Variants in CACNG3 observed in about 807,000 individuals in gnomAD.
CACNG3 encodes the protein voltage-dependent calcium channel gamma-3 subunit.
A neutral mutation model predicts 28.5 loss-of-function variants in CACNG3; 3 were observed. The observed-to-expected ratio is 0.11, with a 90% CI of 0.05 to 0.27. The LOEUF (loss-of-function observed/expected upper bound fraction) is 0.27. CACNG3 is among the 10% of genes least tolerant of loss of function. The pLI, the probability that CACNG3 is intolerant of heterozygous loss-of-function variation, is 1.00. For synonymous variants in CACNG3, 174 were observed against 162.2 expected (o/e 1.07, Z -0.55); for missense variants, 236 against 414.4 (o/e 0.57, Z 3.74).
At position 24,359,421 on chromosome 16, in the gene CACNG3, T is replaced by A. The variant is rs151229382; in HGVS notation, c.437-1931T>A. Among the ~76,000 whole-genome samples, 482 of 152,216 alleles carry A rather than the reference T, an allele frequency of 3.2e-3. 5 individuals are homozygous for A. The highest frequency in any genetic ancestry group is 0.011 in the African/African-American group (454 of 41,538). On this transcript the variant is annotated intron_variant, in intron 3 of 3. Coordinates refer to ENST00000005284, the MANE Select transcript of CACNG3 (RefSeq NM_006539.4). ...GAGCTGGATGTGTCAAACCCCATAATAAGAAATAGCTCAGTGATGAGAACT... is the reference window on the plus strand; with the variant it reads ...GAGCTGGATGTGTCAAACCCCATAAAAAGAAATAGCTCAGTGATGAGAACT...
At chr16:24,286,389 C>G (rs1161075033) in intron 1 of CACNG3, among the ~76,000 whole-genome samples, 6 of 149,944 alleles carry the variant, frequency 4.0e-5, no homozygotes, top group Non-Finnish European at 7.4e-5. Flanking sequence ...AGGCAAATGT[C>G]TTGATTATTA....
chr16:24,332,609 AG>A (rs1373467575), intron 1 of CACNG3, among the ~76,000 whole-genome samples: 1 of 152,180 alleles, frequency 6.6e-6, no homozygotes, highest in African/African-American at 2.4e-5. Flanking sequence ...CTATACCCTA[AG>A]TGCTTCATCT....
intron 1 of CACNG3, among the ~76,000 whole-genome samples, chr16:24,322,356 CT>C (rs1899474852): frequency 6.6e-6 from 1 of 152,100 alleles, no homozygotes; most frequent in African/African-American, 2.4e-5. Flanking sequence ...CCCGGCCACC[CT>C]TGGGGACCTG....
chr16:24,316,444 C>T (rs1451380331), intron 1 of CACNG3, among the ~76,000 whole-genome samples: 2 of 151,244 alleles, frequency 1.3e-5, no homozygotes, highest in Non-Finnish European at 2.9e-5. Flanking sequence ...CTAAAGTGGA[C>T]TCTGTGAGTC....
chr16:24,310,216 G>T (rs1899241932), intron 1 of CACNG3, among the ~76,000 whole-genome samples: 2 of 152,230 alleles, frequency 1.3e-5, no homozygotes, highest in Non-Finnish European at 2.9e-5. Flanking sequence ...TCAGAGAAAA[G>T]ATATCGAGAA....
chr16:24,333,056 A>G lies in CACNG3; in HGVS notation c.212-13678A>G, dbSNP rs548853595. ...AAAGGATTAACAGGAGCCCTTAGGA[A>G]AACTGATGACAGGCTCAAATATTGC... On this transcript the variant is annotated intron_variant, in intron 1 of 3. Coordinates refer to ENST00000005284, the MANE Select transcript of CACNG3 (RefSeq NM_006539.4). Among the ~76,000 whole-genome samples, 4 of 152,344 alleles carry G rather than the reference A, an allele frequency of 2.6e-5. No individual in the cohort carries two copies. In the South Asian group the frequency reaches 8.3e-4, roughly 32 times the overall value.
chr16:24,306,227 G>C (rs1368695049), intron 1 of CACNG3, among the ~76,000 whole-genome samples: 2 of 152,172 alleles, frequency 1.3e-5, no homozygotes, highest in East Asian at 3.8e-4. Context: ...GGATTTCTTT[G>C]CATTTGACTG....
chr16:24,289,349 G>A (rs1898936044), intron 1 of CACNG3, among the ~76,000 whole-genome samples: 1 of 151,810 alleles, frequency 6.6e-6, no homozygotes, highest in Non-Finnish European at 1.5e-5. Context: ...AGATTGTTAT[G>A]TGATGGTGGG....
At chr16:24,306,977 C>A (rs1439128995) in intron 1 of CACNG3, among the ~76,000 whole-genome samples, 1 of 152,278 alleles carries the variant, frequency 6.6e-6, no homozygotes, top group South Asian at 2.1e-4. Flanking sequence ...AGTGCCGCTC[C>A]GGGTACTGCT....
intron 2 of CACNG3, 99 bp from the exon 3 acceptor site, chr16:24,354,734 T>C: frequency 8.1e-7 from 1 of 1,237,408 alleles, no homozygotes; most frequent in Non-Finnish European, 1.1e-6. Context: ...TCTGTTCTCT[T>C]CCTGTGCTGC....
At chr16:24,272,128 A>T (rs1244937480) in intron 1 of CACNG3, among the ~76,000 whole-genome samples, 6 of 152,172 alleles carry the variant, frequency 3.9e-5, no homozygotes, top group Admixed American at 2.6e-4. Context: ...ACTTTAAAAA[A>T]AAAAGAAAGA....
At chr16:24,297,617 A>G (rs1899049939) in intron 1 of CACNG3, among the ~76,000 whole-genome samples, 1 of 152,220 alleles carries the variant, frequency 6.6e-6, no homozygotes, top group Non-Finnish European at 1.5e-5. Flanking sequence ...TAGCCTGAGC[A>G]AACAGAGAGC....
At chr16:24,284,561 A>C (rs1228079052) in intron 1 of CACNG3, among the ~76,000 whole-genome samples, 1 of 152,144 alleles carries the variant, frequency 6.6e-6, no homozygotes, top group Non-Finnish European at 1.5e-5. Flanking sequence ...ATTTCTTCCA[A>C]GATGGTGCCA....
chr16:24,355,658 C>G (rs1166030913), intron 3 of CACNG3, among the ~76,000 whole-genome samples: 1 of 152,186 alleles, frequency 6.6e-6, no homozygotes, highest in African/African-American at 2.4e-5. Context: ...TATACGATCT[C>G]TGGCCCTTTG....
At chr16:24,356,566 G>A (rs907809860) in intron 3 of CACNG3, among the ~76,000 whole-genome samples, 32 of 152,168 alleles carry the variant, frequency 2.1e-4, no homozygotes, top group Non-Finnish European at 8.8e-5. Flanking sequence ...GCTAGGCCTG[G>A]TGGTGGGTGC....
intron 1 of CACNG3, among the ~76,000 whole-genome samples, chr16:24,340,442 A>G (rs1217180171): frequency 1.3e-5 from 2 of 152,180 alleles, no homozygotes; most frequent in African/African-American, 4.8e-5. Flanking sequence ...TCCAAAAGCT[A>G]AAAGAGATAG....
intron 1 of CACNG3, among the ~76,000 whole-genome samples, chr16:24,263,702 T>C (rs964403803): frequency 6.6e-6 from 1 of 152,148 alleles, no homozygotes; most frequent in Admixed American, 6.5e-5. Context: ...ACCTGTGAAA[T>C]GGGGAAATAA....
chr16:24,326,212 C>A (rs955378908), intron 1 of CACNG3, among the ~76,000 whole-genome samples: 5 of 149,788 alleles, frequency 3.3e-5, no homozygotes, highest in African/African-American at 4.9e-5. Context: ...GCTCTTGTTG[C>A]CCAGACTAGA....
intron 1 of CACNG3, among the ~76,000 whole-genome samples, chr16:24,342,801 AT>A (rs1271647615): frequency 2.0e-5 from 3 of 151,288 alleles, no homozygotes; most frequent in Middle Eastern, 3.4e-3. Flanking sequence ...TATTCTTTCG[AT>A]TTTTTTTTCA....
Sources: gnomAD v4.1 joint callset for allele counts (sites outside exome capture counted in the v4.1 genomes callset) on GRCh38, gnomAD v4.1.1 for gene constraint, MANE v1.5 for transcripts, NCBI Gene and HGNC (gene_info 2026-07-23, HGNC 2026-07-21) for gene names.